Variants in CNTN4 observed in about 807,000 individuals in gnomAD.
CNTN4 encodes the protein contactin-4.
In CNTN4, 77 loss-of-function variants were observed where a neutral mutation model predicts 122.5. That is an observed-to-expected ratio of 0.63 (90% CI 0.52 to 0.76). CNTN4 has a LOEUF of 0.76. CNTN4 is among the 30% of genes least tolerant of loss of function. The pLI is 0.00. For synonymous variants in CNTN4, 512 were observed against 447.0 expected (o/e 1.15, Z -1.83); for missense variants, 1,256 against 1,259.1 (o/e 1.00, Z 0.04).
rs1470509836 is a variant in CNTN4 at position 3,037,162 on chromosome 3, C to T, written c.1943-17C>T. 1.9e-6 allele frequency: 3 copies of T among 1,614,082 alleles called. No homozygotes were observed. Among genetic ancestry groups the T allele is most frequent in the Admixed American group, 1.7e-5 (1 of 60,014 alleles). ...TGAGAACCTATGAAACAGCCCCCACCTTTTGTTGTCTTTCAGTCCCAGAAC... is the reference window on the plus strand; with the variant it reads ...TGAGAACCTATGAAACAGCCCCCACTTTTTGTTGTCTTTCAGTCCCAGAAC... On this transcript the variant is annotated splice_polypyrimidine_tract_variant and intron_variant, in intron 17 of 24. Transcript: ENST00000418658.
chr3:2,280,169 A>C (rs1167607440), intron 2 of CNTN4, among the ~76,000 whole-genome samples: 2 of 152,072 alleles, frequency 1.3e-5, no homozygotes, highest in Non-Finnish European at 2.9e-5. Context: ...CATGTTGCCC[A>C]GGCTGGTCTC....
At chr3:2,486,117 C>A (rs991989780) in intron 3 of CNTN4, among the ~76,000 whole-genome samples, 3 of 152,058 alleles carry the variant, frequency 2.0e-5, no homozygotes, top group Non-Finnish European at 4.4e-5. Context: ...CTGGGAGGAA[C>A]AACAACTCCA....
chr3:2,722,292 T>C (rs2066427941), intron 4 of CNTN4, among the ~76,000 whole-genome samples: 1 of 152,228 alleles, frequency 6.6e-6, no homozygotes, highest in African/African-American at 2.4e-5. Flanking sequence ...TGTTTACTTC[T>C]CTCTGTCTAT....
intron 4 of CNTN4, among the ~76,000 whole-genome samples, chr3:2,647,912 G>T (rs1283673009): frequency 2.0e-5 from 3 of 152,152 alleles, no homozygotes; most frequent in Non-Finnish European, 4.4e-5. Context: ...TTACTTTGTT[G>T]TTAAACCAAT....
intron 8 of CNTN4, chr3:2,882,720 T>C (rs1559615937): frequency 5.8e-6 from 1 of 172,424 alleles, no homozygotes; most frequent in South Asian, 1.3e-4. Context: ...GAAGAATTAT[T>C]TTATTATATA....
chr3:2,575,642 C>T (rs1333135755), intron 4 of CNTN4, among the ~76,000 whole-genome samples: 2 of 152,148 alleles, frequency 1.3e-5, no homozygotes, highest in Non-Finnish European at 2.9e-5. Context: ...TTCTTTAAAT[C>T]TGTGCTCAAA....
chr3:2,852,095 G>C (rs1175864315), intron 7 of CNTN4, among the ~76,000 whole-genome samples: 1 of 152,176 alleles, frequency 6.6e-6, no homozygotes, highest in Non-Finnish European at 1.5e-5. Flanking sequence ...TTTTTTGAAA[G>C]TGAGAGAGCA....
intron 4 of CNTN4, among the ~76,000 whole-genome samples, chr3:2,712,154 A>C (rs1167902822): frequency 6.6e-6 from 1 of 152,172 alleles, no homozygotes; most frequent in African/African-American, 2.4e-5. Flanking sequence ...CTTGAAATAA[A>C]ATTGTATGCA....
chr3:2,666,932 A>G (rs575774880), intron 4 of CNTN4, among the ~76,000 whole-genome samples: 4 of 151,556 alleles, frequency 2.6e-5, no homozygotes, highest in Admixed American at 1.3e-4. Context: ...ATCCTTTTTC[A>G]TGGCTGCGTA....
At position 2,312,135 on chromosome 3, in the gene CNTN4, G is replaced by C. The variant is rs547071815; in HGVS notation, c.-144-27043G>C. On this transcript the variant is annotated intron_variant, in intron 2 of 24. Transcript: ENST00000418658. ...CAAGATCAGCCTGAGTAACATAGTG[G>C]GACCTTGTCTCTACAAAAAATAAAT... Among the ~76,000 whole-genome samples the C allele has an allele frequency of 1.8e-3, 277 of 151,846 alleles. 1 individual carries two copies. The highest frequency in any genetic ancestry group is 6.5e-4 in the Non-Finnish European group (44 of 67,902).
intron 3 of CNTN4, among the ~76,000 whole-genome samples, chr3:2,530,788 C>T (rs1575870854): frequency 6.6e-6 from 1 of 152,042 alleles, no homozygotes; most frequent in Admixed American, 6.6e-5. Context: ...GTGTAACTCC[C>T]GTGATCTAAG....
intron 10 of CNTN4, among the ~76,000 whole-genome samples, chr3:2,891,298 G>C (rs2094037228): frequency 6.6e-6 from 1 of 152,046 alleles, no homozygotes; most frequent in Admixed American, 6.6e-5. Flanking sequence ...ATAAAAATTA[G>C]CTGGGTGTGG....
At chr3:2,636,676 A>G (rs1390235152) in intron 4 of CNTN4, among the ~76,000 whole-genome samples, 5 of 152,172 alleles carry the variant, frequency 3.3e-5, no homozygotes, top group African/African-American at 1.2e-4. Context: ...TATAAAACCC[A>G]AACAAAATTA....
At chr3:2,468,831 G>C (rs2075592378) in intron 3 of CNTN4, among the ~76,000 whole-genome samples, 1 of 152,094 alleles carries the variant, frequency 6.6e-6, no homozygotes. Context: ...GGAAAAATGG[G>C]GGAAAGGGAT....
At chr3:2,703,451 A>C (rs934631731) in intron 4 of CNTN4, among the ~76,000 whole-genome samples, 4 of 152,194 alleles carry the variant, frequency 2.6e-5, no homozygotes, top group African/African-American at 7.2e-5. Flanking sequence ...GGAGGGTATA[A>C]TTATTATTCT....
chr3:2,483,457 G>A lies in CNTN4; in HGVS notation c.-88-87959G>A, dbSNP rs144740754. Reference sequence around the variant, plus strand: ...ATGCTGGAATGAGCTAAGACTAGGGGCTATTGGAAAGGTATGATTGTGTTT... The same window carrying A: ...ATGCTGGAATGAGCTAAGACTAGGGACTATTGGAAAGGTATGATTGTGTTT... On this transcript the variant is annotated intron_variant, in intron 3 of 24. Transcript: ENST00000418658. Among the ~76,000 whole-genome samples, 14 of 152,294 alleles carry A rather than the reference G, an allele frequency of 9.2e-5. No homozygotes were observed. The East Asian group carries it at 2.5e-3, about 27-fold the overall frequency.
Position 3,026,260 on chromosome 3 carries a change from T to G in CNTN4, c.1645T>G (p.Phe549Val), listed in dbSNP as rs770478333. 2.5e-6 allele frequency: 4 copies of G among 1,613,320 alleles called. No individual in the cohort carries two copies. The highest frequency in any genetic ancestry group is 1.7e-4 in the Middle Eastern group (1 of 6,054). ...LIDFDRDGDH[F>V]ERVGGQDSAG... ...AGACTTTGACAGAGATGGGGACCAC[T>G]TTGAAAGAGTTGGAGGGGTAAGTAT... The change falls in exon 15 of 25, where the codon TTT becomes GTT. Residue 549 changes from phenylalanine to valine, a missense_variant. Transcript: ENST00000418658.
chr3:2,704,445 A>T (rs1456161959), intron 4 of CNTN4, among the ~76,000 whole-genome samples: 2 of 152,146 alleles, frequency 1.3e-5, no homozygotes, highest in South Asian at 2.1e-4. Flanking sequence ...AAATCAATTT[A>T]AAAAATACAA....
intron 2 of CNTN4, among the ~76,000 whole-genome samples, chr3:2,242,553 A>G (rs916233908): frequency 6.6e-6 from 1 of 152,264 alleles, no homozygotes. Flanking sequence ...AGTTCATAGC[A>G]GATTACAGGG....
Sources: allele counts gnomAD v4.1 joint callset (sites outside exome capture counted in the v4.1 genomes callset), GRCh38; gene constraint gnomAD v4.1.1; transcripts MANE v1.5; gene names NCBI Gene and HGNC (gene_info 2026-07-23, HGNC 2026-07-21).